The following LRRC4C variants were observed in gnomAD, a reference collection of about 807,000 sequenced individuals.
LRRC4C encodes leucine rich repeat containing 4C, also known as leucine-rich repeat-containing protein 4C.
A neutral mutation model predicts 33.6 loss-of-function variants in LRRC4C; 5 were observed. The observed-to-expected ratio is 0.15, with a 90% confidence interval of 0.08 to 0.31. The LOEUF is 0.31. Ranked by LOEUF, LRRC4C falls within the 10% of genes least tolerant of loss-of-function variation. The pLI is 1.00. For synonymous variants in LRRC4C, 329 were observed against 302.0 expected, an observed-to-expected ratio of 1.09 and a Z score of -0.93; for missense variants, 560 against 796.7, an observed-to-expected ratio of 0.70 and a Z score of 3.58.
chr11:40,225,898 C>A (rs1465568407), intron 5 of LRRC4C, among the ~76,000 whole-genome samples: 1 of 152,170 alleles, frequency 6.6e-6, no homozygotes, highest in Admixed American at 6.5e-5. Flanking sequence ...GGATTACAGG[C>A]GTGAGCCACC....
chr11:40,911,169 G>A (rs1449369775), intron 2 of LRRC4C, among the ~76,000 whole-genome samples: 4 of 152,274 alleles, frequency 2.6e-5, no homozygotes, highest in South Asian at 4.1e-4. Flanking sequence ...AGACCTAAAT[G>A]TCCCTGTCTG....
intron 1 of LRRC4C, among the ~76,000 whole-genome samples, chr11:40,950,880 C>T (rs1488433575): frequency 6.6e-6 from 1 of 150,672 alleles, no homozygotes; most frequent in Non-Finnish European, 1.5e-5. Flanking sequence ...TTCCAACTTG[C>T]TTATTTTTTT....
At chr11:40,416,523 T>A (rs1950330443) in intron 3 of LRRC4C, among the ~76,000 whole-genome samples, 1 of 152,172 alleles carries the variant, frequency 6.6e-6, no homozygotes, top group Non-Finnish European at 1.5e-5. Context: ...AGCTTCAACT[T>A]ACGTCATTCT....
At chr11:41,188,370 G>C (rs1945789069) in intron 1 of LRRC4C, among the ~76,000 whole-genome samples, 1 of 152,082 alleles carries the variant, frequency 6.6e-6, no homozygotes, top group South Asian at 2.1e-4. Context: ...TACATGTTGA[G>C]ATGATTTTCC....
At chr11:40,740,434 T>C (rs1192304532) in intron 2 of LRRC4C, among the ~76,000 whole-genome samples, 1 of 152,008 alleles carries the variant, frequency 6.6e-6, no homozygotes, top group East Asian at 1.9e-4. Context: ...CTGCTGGCTA[T>C]TTTTTACCTC....
At chr11:41,045,315 T>A (rs938287954) in intron 1 of LRRC4C, among the ~76,000 whole-genome samples, 2 of 151,984 alleles carry the variant, frequency 1.3e-5, no homozygotes, top group African/African-American at 2.4e-5. Context: ...CAGAAGAGAA[T>A]CACTCTTTCC....
intron 3 of LRRC4C, among the ~76,000 whole-genome samples, chr11:40,371,549 T>A (rs985360381): frequency 2.0e-5 from 3 of 152,240 alleles, no homozygotes; most frequent in Non-Finnish European, 4.4e-5. Context: ...TTTTTATAAC[T>A]AAGACTTGCT....
chr11:40,495,830 T>A (rs1298341029), intron 3 of LRRC4C, among the ~76,000 whole-genome samples: 1 of 46,700 alleles, frequency 2.1e-5, no homozygotes, highest in Non-Finnish European at 4.3e-5. Context: ...TTTTTTTTTT[T>A]TTTTTTTTTT....
chr11:40,973,301 C>A (rs528051841), intron 1 of LRRC4C, among the ~76,000 whole-genome samples: 2 of 151,728 alleles, frequency 1.3e-5, no homozygotes, highest in Non-Finnish European at 2.9e-5. Flanking sequence ...ACTTTAGCTG[C>A]AGAGCTAACT....
At chr11:40,837,761 G>C (rs1025551458) in intron 2 of LRRC4C, among the ~76,000 whole-genome samples, 13 of 151,452 alleles carry the variant, frequency 8.6e-5, no homozygotes, top group Admixed American at 5.3e-4. Flanking sequence ...GAAGAGGTAG[G>C]ATTGCTTGAG....
chr11:40,963,300 T>C (rs1196520390), intron 1 of LRRC4C, among the ~76,000 whole-genome samples: 2 of 151,822 alleles, frequency 1.3e-5, no homozygotes, highest in Non-Finnish European at 2.9e-5. Flanking sequence ...TTTACACTAT[T>C]TGGCAAGTGC....
chr11:40,914,390 A>T (rs1160432711), intron 2 of LRRC4C, among the ~76,000 whole-genome samples: 1 of 152,236 alleles, frequency 6.6e-6, no homozygotes, highest in Non-Finnish European at 1.5e-5. Context: ...AGGCTGGTTC[A>T]ACATATGCAA....
intron 1 of LRRC4C, among the ~76,000 whole-genome samples, chr11:41,440,542 TG>T (rs1955583050): frequency 6.6e-6 from 1 of 152,132 alleles, no homozygotes; most frequent in Non-Finnish European, 1.5e-5. Context: ...ACACTACATA[TG>T]TTTTTTTTAA....
intron 1 of LRRC4C, among the ~76,000 whole-genome samples, chr11:40,983,041 T>A (rs1400306922): frequency 6.6e-6 from 1 of 152,158 alleles, no homozygotes; most frequent in Non-Finnish European, 1.5e-5. Context: ...CCATGGTGTA[T>A]CATGTACCAC....
Position 40,666,221 on chromosome 11 carries a change from C to A in LRRC4C, c.-406-17943G>T, listed in dbSNP as rs116213304. Among the ~76,000 whole-genome samples, 645 of 152,174 alleles carry A rather than the reference C, an allele frequency of 4.2e-3. 5 individuals are homozygous for A. The highest frequency in any genetic ancestry group is 0.015 in the African/African-American group (621 of 41,558). On this transcript the variant is annotated intron_variant, in intron 2 of 6. Transcript: ENST00000528697. The stretch of plus-strand genomic sequence containing the variant: ...CATTTACAATGTTGAACACAAAAAG[C>A]AAGTTAACAAATGTATCTCTACAAT...
chr11:40,347,480 AT>A (rs967653835), intron 3 of LRRC4C, among the ~76,000 whole-genome samples: 10 of 151,726 alleles, frequency 6.6e-5, no homozygotes, highest in South Asian at 2.1e-4. Context: ...TTTCTTCAGA[AT>A]TTTTTTTCTT....
At position 40,852,375 on chromosome 11, in the gene LRRC4C, A is replaced by G. The variant is rs187590248; in HGVS notation, c.-407+81260T>C. 4.5e-4 allele frequency among the ~76,000 whole-genome samples: 69 copies of G among 152,244 alleles called. No individual in the cohort carries two copies. The South Asian group carries it at 6.0e-3, about 13-fold the overall frequency. ...TCATTTAATACCTTTCTGAGCCACCAATTGTCTGCAAACTTGGGTGATAAG... is the reference window on the plus strand; with the variant it reads ...TCATTTAATACCTTTCTGAGCCACCGATTGTCTGCAAACTTGGGTGATAAG... On this transcript the variant is annotated intron_variant, in intron 2 of 6. Coordinates refer to ENST00000528697, the MANE Select transcript of LRRC4C (RefSeq NM_001258419.2).
chr11:40,895,432 T>C (rs1955897031), intron 2 of LRRC4C, among the ~76,000 whole-genome samples: 1 of 152,084 alleles, frequency 6.6e-6, no homozygotes, highest in Non-Finnish European at 1.5e-5. Flanking sequence ...ATAGTAACAG[T>C]GAGTACTAAA....
rs531715415 is a variant in LRRC4C at position 40,641,684 on chromosome 11, C to T, written c.-270+6458G>A. ...AGCAATCCCCTTGCCTTGCATTAAACATGGCTTACTTTTGCTTCATCAGGG... is the reference window on the plus strand; with the variant it reads ...AGCAATCCCCTTGCCTTGCATTAAATATGGCTTACTTTTGCTTCATCAGGG... On this transcript the variant is annotated intron_variant, in intron 3 of 6. Coordinates refer to ENST00000528697, the MANE Select transcript of LRRC4C (RefSeq NM_001258419.2). 2.3e-4 allele frequency among the ~76,000 whole-genome samples: 35 copies of T among 152,290 alleles called. 1 individual carries two copies. Among genetic ancestry groups the T allele is most frequent in the Middle Eastern group, 3.4e-3 (1 of 294 alleles).
Sources: gnomAD v4.1 joint callset for allele counts (sites outside exome capture counted in the v4.1 genomes callset) on GRCh38, gnomAD v4.1.1 for gene constraint, MANE v1.5 for transcripts, NCBI Gene and HGNC (gene_info 2026-07-23, HGNC 2026-07-21) for gene names.